The following CHAF1B variants were observed in gnomAD, a reference collection of about 807,000 sequenced individuals.
The protein encoded by CHAF1B is chromatin assembly factor 1 subunit B.
A neutral mutation model predicts 60.7 loss-of-function variants in CHAF1B; 10 were observed. That is an observed-to-expected ratio of 0.16 (90% CI 0.10 to 0.28). The LOEUF is 0.28. CHAF1B is among the 10% of genes least tolerant of loss of function. The pLI, the probability that CHAF1B is intolerant of heterozygous loss-of-function variation, is 1.00. For missense variants in CHAF1B, 558 were observed against 708.4 expected (o/e 0.79, Z 2.41); for synonymous variants, 261 against 266.1 (o/e 0.98, Z 0.19).
chr21:36,389,758 G>GGTGTGTGTGT (rs1569119820), intron 3 of CHAF1B, among the ~76,000 whole-genome samples: 18 of 118,728 alleles, frequency 1.5e-4, no homozygotes, highest in African/African-American at 5.7e-4. Flanking sequence ...TGCATGAAGG[G>GGTGTGTGTGT]ATGTGTGTGT....
intron 3 of CHAF1B, among the ~76,000 whole-genome samples, chr21:36,389,758 G>GGT (rs1569119820): frequency 4.5e-4 from 53 of 118,610 alleles, no homozygotes; most frequent in African/African-American, 1.5e-3. Context: ...TGCATGAAGG[G>GGT]ATGTGTGTGT....
chr21:36,403,455 TAAAAAAAAAAAAAA>T (rs71326686), intron 8 of CHAF1B, among the ~76,000 whole-genome samples: 4 of 77,466 alleles, frequency 5.2e-5, no homozygotes, highest in African/African-American at 1.8e-4. Flanking sequence ...ATATCTTATC[TAAAAAAAAAAAAAA>T]AAAAAAAAAA....
chr21:36,415,297 G>C lies in CHAF1B; in HGVS notation c.1496G>C (p.Arg499Thr). 1 of 1,595,666 alleles carries C rather than the reference G, an allele frequency of 6.3e-7. No homozygotes were observed. Among genetic ancestry groups the C allele is most frequent in the Non-Finnish European group, 8.6e-7 (1 of 1,165,694 alleles). Reference sequence around the variant, plus strand: ...TACTTTTTTTTTTTTAAATCAAGGAGAATAAACTTAACACCCTTAAAGACG... The same window carrying C: ...TACTTTTTTTTTTTTAAATCAAGGACAATAAACTTAACACCCTTAAAGACG... ...LQAWSKTTPR[R>T]INLTPLKTDT... The change falls in exon 13 of 14, where the codon AGA becomes ACA. Residue 499 changes from arginine (R) to threonine (T), a missense_variant and splice_region_variant. Physicochemically the swap from Arg to Thr is moderately conservative, Grantham distance 71 (BLOSUM62 -1). Transcript: ENST00000314103.
Position 36,387,964 on chromosome 21 carries a change from G to A in CHAF1B, c.259+234G>A, listed in dbSNP as rs990981937. On this transcript the variant is annotated intron_variant, in intron 3 of 13. Transcript: ENST00000314103. ...CTCCTGAGTAGCTGGGATTACAGGC[G>A]CCTGCCACCACGCCCGGCTAGTTTT... Among the ~76,000 whole-genome samples the A allele has an allele frequency of 3.9e-5, 6 of 152,056 alleles. No individual in the cohort carries two copies. In the East Asian group the frequency reaches 5.8e-4, roughly 15 times the overall value.
At position 36,418,017 on chromosome 21, in the gene CHAF1B, A is replaced by AT. The variant is rs747533741; in HGVS notation, c.*1664dup. The AT allele has an allele frequency of 1.6e-3, 235 of 144,150 alleles. 3 individuals are homozygous for AT. The East Asian group carries it at 0.025, about 15-fold the overall frequency. 8.9% of individuals were successfully genotyped at this position (144,150 alleles called of 1,614,324 possible). ...GGTTAAATGCATTTCCACTGAAAGC[A>AT]TTTTTTTTTTTTTCCGAGACAGAGT... On this transcript the variant is annotated 3_prime_UTR_variant, in exon 14 of 14. Coordinates refer to ENST00000314103, the MANE Select transcript of CHAF1B (RefSeq NM_005441.3).
chr21:36,412,748 A>G, intron 11 of CHAF1B, 136 bp from the exon 12 acceptor site: 1 of 772,426 alleles, frequency 1.3e-6, no homozygotes, highest in Non-Finnish European at 2.1e-6. Flanking sequence ...TCGCTATCAC[A>G]CACTCTTTTC....
chr21:36,395,423 G>A (rs1569122687), intron 5 of CHAF1B, among the ~76,000 whole-genome samples: 1 of 152,240 alleles, frequency 6.6e-6, no homozygotes, highest in Non-Finnish European at 1.5e-5. Flanking sequence ...CAACAGGATA[G>A]GGGTTAGTCC....
At chr21:36,394,503 C>A in intron 4 of CHAF1B, 44 bp from the exon 5 acceptor site, 2 of 1,363,524 alleles carry the variant, frequency 1.5e-6, no homozygotes, top group Non-Finnish European at 2.1e-6. Context: ...AGCTGCTATA[C>A]CTGGGGAGTA....
chr21:36,411,369 C>T (rs534094450), intron 10 of CHAF1B, 94 bp from the exon 11 acceptor site: 17 of 1,497,806 alleles, frequency 1.1e-5, no homozygotes, highest in African/African-American at 1.1e-4. Context: ...CCGGCTCGGC[C>T]TCCCAAAGTG....
intron 10 of CHAF1B, 39 bp downstream of exon 10, chr21:36,409,504 C>A: frequency 6.8e-7 from 1 of 1,474,328 alleles, no homozygotes; most frequent in Non-Finnish European, 9.5e-7. Context: ...TGTTTTCTCT[C>A]CGAAACAGGT....
chr21:36,416,278 C>A lies in CHAF1B; in HGVS notation c.1592C>A (p.Thr531Lys). 6.2e-7 allele frequency: 1 copy of A among 1,612,226 alleles called. No individual in the cohort carries two copies. Among genetic ancestry groups the A allele is most frequent in the Admixed American group, 1.7e-5 (1 of 59,322 alleles). The change falls in exon 14 of 14, where the codon ACG becomes AAG. Residue 531 changes from threonine (T) to lysine (K), a missense_variant. By Grantham distance (78) the Thr-to-Lys change is moderately conservative. Around this residue, in one of 2 missense-constraint regions of CHAF1B, gnomAD observed 233 missense variants for 214.9 expected, o/e 1.08. Coordinates refer to ENST00000314103, the MANE Select transcript of CHAF1B (RefSeq NM_005441.3). ...TPSTEEIQSE[T>K]PGDAQGSPPE... ...CTTATGTTTGTTAATGTTGCAGAGA[C>A]GCCTGGAGACGCTCAGGGCAGTCCC...
In CHAF1B at chr21:36,415,325, C is replaced by T; in HGVS notation, c.1524C>T (p.Asp508=). 1 of 1,611,924 alleles carries T rather than the reference C, an allele frequency of 6.2e-7. No individual in the cohort carries two copies. ...RRINLTPLKT[D]TPPSSVPTSV... is the part of the protein sequence containing the mutation. ...TAAACTTAACACCCTTAAAGACGGA[C>T]ACTCCACCAAGTTCTGTACCAACCA... The change falls in exon 13 of 14, where the codon GAC becomes GAT. Residue 508 remains aspartate, a synonymous_variant. Coordinates refer to ENST00000314103, the MANE Select transcript of CHAF1B (RefSeq NM_005441.3).
chr21:36,386,057 C>T lies in CHAF1B; in HGVS notation c.-77-3C>T, dbSNP rs2086029394. 2 of 1,562,432 alleles carry T rather than the reference C, an allele frequency of 1.3e-6. No homozygotes were observed. Among genetic ancestry groups the T allele is most frequent in the South Asian group, 2.3e-5 (2 of 86,758 alleles). The stretch of plus-strand genomic sequence containing the variant: ...TTAACACTGTTGTTTAATCCATCAC[C>T]AGCATTTTGCAGCTTTCTCCTGTCT... On this transcript the variant is annotated splice_polypyrimidine_tract_variant and splice_region_variant and intron_variant, in intron 1 of 13. Transcript: ENST00000314103.
intron 3 of CHAF1B, among the ~76,000 whole-genome samples, chr21:36,388,279 G>A (rs1360616543): frequency 6.6e-6 from 1 of 152,076 alleles, no homozygotes; most frequent in African/African-American, 2.4e-5. Context: ...TTTCCCGCAA[G>A]CTCCCACCAG....
intron 5 of CHAF1B, among the ~76,000 whole-genome samples, chr21:36,397,162 C>G (rs1048541065): frequency 1.3e-5 from 2 of 152,182 alleles, no homozygotes; most frequent in African/African-American, 2.4e-5. Flanking sequence ...TCCCCTCCCC[C>G]GGTCCACATG....
At chr21:36,390,962 C>T (rs531875530) in intron 3 of CHAF1B, among the ~76,000 whole-genome samples, 10 of 152,324 alleles carry the variant, frequency 6.6e-5, no homozygotes, top group African/African-American at 1.7e-4. Flanking sequence ...TGCCTATTAT[C>T]CCCATTTACA....
intron 6 of CHAF1B, 151 bp downstream of exon 6, chr21:36,397,662 C>A: frequency 1.2e-5 from 4 of 345,048 alleles, no homozygotes; most frequent in East Asian, 4.8e-5. Context: ...ACAACATAAT[C>A]AGAAATTGGA....
intron 4 of CHAF1B, among the ~76,000 whole-genome samples, chr21:36,393,394 G>T (rs534268094): frequency 9.2e-5 from 14 of 151,406 alleles, no homozygotes; most frequent in Admixed American, 2.0e-4. Flanking sequence ...TCTTAGTTTC[G>T]GCTATACATT....
At chr21:36,389,758 G>GATAT (rs201771486) in intron 3 of CHAF1B, among the ~76,000 whole-genome samples, 281 of 118,632 alleles carry the variant, frequency 2.4e-3, no homozygotes, top group African/African-American at 9.1e-3. Context: ...TGCATGAAGG[G>GATAT]ATGTGTGTGT....
Sources: gnomAD v4.1 joint callset for allele counts (sites outside exome capture counted in the v4.1 genomes callset) on GRCh38, gnomAD v4.1.1 for gene constraint, gnomAD v4.1.1 regional missense constraint, MANE v1.5 for transcripts, NCBI Gene and HGNC (gene_info 2026-07-23, HGNC 2026-07-21) for gene names.